The following PCDH15 variants were observed in gnomAD, a reference collection of about 807,000 sequenced individuals.
PCDH15 encodes protocadherin-15.
In PCDH15, 129 loss-of-function variants were observed where a neutral mutation model predicts 178.5. The ratio of observed to expected loss-of-function variants is 0.72; its 90% CI spans 0.63 to 0.84. The LOEUF (loss-of-function observed/expected upper bound fraction) is 0.84. PCDH15 is among the 40% of genes least tolerant of loss of function. PCDH15 has a pLI of 0.00. For synonymous variants in PCDH15, 800 were observed against 732.0 expected (o/e 1.09, Z -1.50); for missense variants, 2,230 against 2,099.9 (o/e 1.06, Z -1.21).
intron 15 of PCDH15, among the ~76,000 whole-genome samples, chr10:54,096,506 G>C (rs1209059842): frequency 1.3e-5 from 2 of 151,958 alleles, no homozygotes; most frequent in African/African-American, 2.4e-5. Context: ...CAATATCAAA[G>C]TTTCAAATAA....
At chr10:54,701,181 A>G (rs2095305116) in intron 1 of PCDH15, among the ~76,000 whole-genome samples, 1 of 152,138 alleles carries the variant, frequency 6.6e-6, no homozygotes, top group Non-Finnish European at 1.5e-5. Flanking sequence ...TCTAATTCCA[A>G]CCAAAAATTT....
At chr10:54,122,158 G>A (rs11498093) in intron 15 of PCDH15, among the ~76,000 whole-genome samples, 15 of 151,896 alleles carry the variant, frequency 9.9e-5, no homozygotes, top group Middle Eastern at 3.4e-3. Flanking sequence ...TTTAATTTAC[G>A]ATGATCAGGT....
At chr10:53,828,723 G>C in intron 30 of PCDH15, 150 bp from the exon 31 acceptor site, 1 of 677,036 alleles carries the variant, frequency 1.5e-6, no homozygotes, top group Non-Finnish European at 2.5e-6. Context: ...AGAAAACTAA[G>C]GATATCAATT....
chr10:54,043,877 G>A lies in PCDH15; in HGVS notation c.2221-20680C>T, dbSNP rs2610827. Among the ~76,000 whole-genome samples, 1,168 of 152,126 alleles carry A rather than the reference G, an allele frequency of 7.7e-3. 10 individuals are homozygous for A. The highest frequency in any genetic ancestry group is 0.026 in the African/African-American group (1,073 of 41,518). ...TTTTTAGATGAGAACAGTATCCCTC[G>A]CCTGGAGATCAGGTAATGACTTCAT... is the stretch of plus-strand genomic sequence containing the variant. On this transcript the variant is annotated intron_variant, in intron 18 of 37. Coordinates refer to ENST00000644397, the MANE Select transcript of PCDH15 (RefSeq NM_001384140.1).
chr10:54,324,911 T>C (rs957575373), intron 7 of PCDH15, among the ~76,000 whole-genome samples: 1 of 152,124 alleles, frequency 6.6e-6, no homozygotes, highest in Non-Finnish European at 1.5e-5. Context: ...AAAAATGATA[T>C]GTAAAGAGAT....
chr10:54,785,408 C>T (rs1249913268), intron 1 of PCDH15, among the ~76,000 whole-genome samples: 1 of 151,866 alleles, frequency 6.6e-6, no homozygotes, highest in Non-Finnish European at 1.5e-5. Flanking sequence ...TAATTAACTC[C>T]CAAGTAGGGT....
At chr10:54,189,413 A>G in intron 11 of PCDH15, 1 of 1,468,662 alleles carries the variant, frequency 6.8e-7, no homozygotes, top group East Asian at 2.6e-5. Context: ...TGAAATAAAT[A>G]TTGTAAATGT....
intron 2 of PCDH15, among the ~76,000 whole-genome samples, chr10:54,625,022 C>A (rs1195747942): frequency 6.6e-6 from 1 of 152,148 alleles, no homozygotes; most frequent in Non-Finnish European, 1.5e-5. Context: ...TCCCCCCACC[C>A]CACTGGGTCC....
chr10:54,939,812 T>C lies in PCDH15; in HGVS notation c.-79-42312A>G, dbSNP rs578114420. On this transcript the variant is annotated intron_variant, in intron 2 of 5. Coordinates refer to the PCDH15 transcript ENST00000458638. ...GCCTTTTTGTTGTGTCCTCAGATGG[T>C]GCAAGGGGCAAAACAGGTTCCCTCC... Among the ~76,000 whole-genome samples, 186 of 152,284 alleles carry C rather than the reference T, an allele frequency of 1.2e-3. 1 individual carries two copies. Among genetic ancestry groups the C allele is most frequent in the Middle Eastern group, 3.4e-3 (1 of 294 alleles).
At chr10:54,355,423 T>C (rs1382665643) in intron 5 of PCDH15, among the ~76,000 whole-genome samples, 1 of 151,992 alleles carries the variant, frequency 6.6e-6, no homozygotes, top group African/African-American at 2.4e-5. Flanking sequence ...AACTTAATTA[T>C]AAAATATCTC....
At chr10:54,980,800 T>C (rs964951190) in intron 2 of PCDH15, among the ~76,000 whole-genome samples, 1 of 152,124 alleles carries the variant, frequency 6.6e-6, no homozygotes, top group African/African-American at 2.4e-5. Context: ...AATAGACGAT[T>C]TATTGATATT....
chr10:53,888,702 T>TATAC (rs1554845542), intron 26 of PCDH15, among the ~76,000 whole-genome samples: 10 of 46,190 alleles, frequency 2.2e-4, no homozygotes, highest in African/African-American at 5.9e-4. Context: ...TATATATATA[T>TATAC]ATCTCCTGTG....
At chr10:55,575,601 T>G (rs1842481327) in intron 2 of PCDH15, 1 of 152,192 alleles carries the variant, frequency 6.6e-6, no homozygotes, top group African/African-American at 2.4e-5. Context: ...ATTGAAAAGC[T>G]AAATTATCAA....
chr10:54,273,802 C>A (rs2058186014), intron 8 of PCDH15, among the ~76,000 whole-genome samples: 1 of 152,100 alleles, frequency 6.6e-6, no homozygotes, highest in South Asian at 2.1e-4. Context: ...AACAGCCACA[C>A]TCCTGAACCA....
chr10:54,307,802 A>G (rs573564374), intron 8 of PCDH15, among the ~76,000 whole-genome samples: 25 of 152,190 alleles, frequency 1.6e-4, no homozygotes, highest in African/African-American at 5.5e-4. Context: ...CTATCTACAT[A>G]CAACTCAGTT....
At position 55,334,242 on chromosome 10, in the gene PCDH15, A is replaced by ATATATATGTGTG. The variant is rs1291195941; in HGVS notation, c.-155-167592_-155-167591insCACACATATATA. 6.9e-5 allele frequency among the ~76,000 whole-genome samples: 5 copies of ATATATATGTGTG among 72,140 alleles called. 1 individual carries two copies. Among genetic ancestry groups the ATATATATGTGTG allele is most frequent in the African/African-American group, 4.8e-4 (5 of 10,510 alleles). 47.3% of individuals were successfully genotyped at this position (72,140 alleles called of 152,430 possible). On this transcript the variant is annotated intron_variant, in intron 2 of 5. Transcript: ENST00000613346. The stretch of plus-strand genomic sequence containing the variant: ...GCTCCATATATATATATATATATAT[A>ATATATATGTGTG]TGTGTGTGTGTGTGTGTGTGTGTGT...
intron 2 of PCDH15, among the ~76,000 whole-genome samples, chr10:54,953,631 TCTA>T (rs1202730170): frequency 6.6e-6 from 1 of 151,298 alleles, no homozygotes; most frequent in Non-Finnish European, 1.5e-5. Flanking sequence ...TCAAGTCACT[TCTA>T]ATAGTCTAAA....
intron 8 of PCDH15, among the ~76,000 whole-genome samples, chr10:54,260,748 A>G (rs968159210): frequency 2.0e-5 from 3 of 152,098 alleles, no homozygotes; most frequent in Non-Finnish European, 4.4e-5. Context: ...ATGCACTAGT[A>G]GTAGTACTAC....
chr10:54,389,775 A>G (rs1488696020), intron 3 of PCDH15, among the ~76,000 whole-genome samples: 5 of 149,028 alleles, frequency 3.4e-5, no homozygotes, highest in Non-Finnish European at 5.9e-5. Flanking sequence ...ACCATCTCTA[A>G]TAAAAATACA....
Sources: gnomAD v4.1 joint callset for allele counts (sites outside exome capture counted in the v4.1 genomes callset) on GRCh38, gnomAD v4.1.1 for gene constraint, MANE v1.5 for transcripts, NCBI Gene and HGNC (gene_info 2026-07-23, HGNC 2026-07-21) for gene names.